Variants in ADAMTS5 observed in about 807,000 individuals in gnomAD.
The protein encoded by ADAMTS5 is ADAM metallopeptidase with thrombospondin type 1 motif 5, also known as A disintegrin and metalloproteinase with thrombospondin motifs 5.
ADAMTS5 carries 54 observed loss-of-function variants against 81.4 expected under a neutral mutation model. That is an observed-to-expected ratio of 0.66 (90% CI 0.53 to 0.83). ADAMTS5 has a LOEUF of 0.83. ADAMTS5 is among the 40% of genes least tolerant of loss of function. ADAMTS5 has a pLI of 0.00. For missense variants in ADAMTS5, 1,194 were observed against 1,229.9 expected, an observed-to-expected ratio of 0.97 and a Z score of 0.44; for synonymous variants, 532 against 508.8, an observed-to-expected ratio of 1.05 and a Z score of -0.61.
At chr21:26,930,754 T>G (rs1986892394) in intron 6 of ADAMTS5, among the ~76,000 whole-genome samples, 1 of 152,180 alleles carries the variant, frequency 6.6e-6, no homozygotes, top group South Asian at 2.1e-4. Flanking sequence ...CACTCATATA[T>G]ATAAATAAGC....
At chr21:26,929,814 C>T in intron 7 of ADAMTS5, 72 bp downstream of exon 7, 3 of 1,470,538 alleles carry the variant, frequency 2.0e-6, no homozygotes, top group South Asian at 2.7e-5. Context: ...AATATGAATC[C>T]TCCTTTATCA....
chr21:26,951,934 G>A lies in ADAMTS5; in HGVS notation c.1237+2805C>T, dbSNP rs145283349. On this transcript the variant is annotated intron_variant, in intron 2 of 7. Coordinates refer to ENST00000284987, the MANE Select transcript of ADAMTS5 (RefSeq NM_007038.5). ...TTTTGTCAGGCTATCTTTCCTAAAC[G>A]TTGAAGGCTTATTTTTTATAACACA... Among the ~76,000 whole-genome samples the A allele has an allele frequency of 2.1e-3, 319 of 152,054 alleles. 2 individuals are homozygous for A. In the East Asian group the frequency reaches 0.024, roughly 11 times the overall value.
chr21:26,943,458 G>T lies in ADAMTS5; in HGVS notation c.1327C>A (p.Leu443Ile), dbSNP rs1429501573. The T allele has an allele frequency of 6.2e-7, 1 of 1,613,618 alleles. No homozygotes were observed. The highest frequency in any genetic ancestry group is 8.5e-7 in the Non-Finnish European group (1 of 1,179,766). The change falls in exon 3 of 8, where the codon CTT (leucine) becomes ATT (isoleucine). Residue 443 changes from leucine to isoleucine, a missense_variant. Transcript: ENST00000284987. ...TEDKRLMSSI[L>I]TSIDASKPWS... ...GGCTTAGATGCATCAATGCTGGTAA[G>T]GATGGAAGACATTAAGCGCTTATCT...
At position 26,928,968 on chromosome 21, in the gene ADAMTS5, T is replaced by C. The variant is rs539891684; in HGVS notation, c.2225+918A>G. Among the ~76,000 whole-genome samples, 14 of 152,326 alleles carry C rather than the reference T, an allele frequency of 9.2e-5. No homozygotes were observed. The East Asian group carries it at 2.7e-3, about 29-fold the overall frequency. On this transcript the variant is annotated intron_variant, in intron 7 of 7. Coordinates refer to ENST00000284987, the MANE Select transcript of ADAMTS5 (RefSeq NM_007038.5). ...TGCAGGGTTTTTGACATAGATGGTC[T>C]AACACAATTAGGTGAATAATTATTT... is the stretch of plus-strand genomic sequence containing the variant.
At chr21:26,946,437 T>C (rs1351187816) in intron 2 of ADAMTS5, among the ~76,000 whole-genome samples, 1 of 152,168 alleles carries the variant, frequency 6.6e-6, no homozygotes, top group Non-Finnish European at 1.5e-5. Flanking sequence ...ATCCGGGGAA[T>C]TTAAAATACA....
intron 2 of ADAMTS5, among the ~76,000 whole-genome samples, chr21:26,949,240 C>G (rs1336337109): frequency 4.0e-5 from 6 of 151,442 alleles, no homozygotes; most frequent in Non-Finnish European, 8.8e-5. Context: ...CTGTATCACC[C>G]AGGCTGGTGT....
rs764343373 is a variant in ADAMTS5 at position 26,966,121 on chromosome 21, C to G, written c.271G>C (p.Val91Leu). The change falls in exon 1 of 8, where the codon GTC becomes CTC. Residue 91 changes from valine to leucine, a missense_variant. Around this residue, in one of 2 missense-constraint regions of ADAMTS5, gnomAD observed 498 missense variants for 412.3 expected, o/e 1.21. Coordinates refer to ENST00000284987, the MANE Select transcript of ADAMTS5 (RefSeq NM_007038.5). Reference sequence around the variant, plus strand: ...AGGAACCTCCGGCCGCCCGCGTAGACGAGGTAGCCCACCTTGCCGCCGCCG... The same window carrying G: ...AGGAACCTCCGGCCGCCCGCGTAGAGGAGGTAGCCCACCTTGCCGCCGCCG... ...YSGGGKVGYLVYAGGRRFLLD... is the reference protein window; with the variant it reads ...YSGGGKVGYLLYAGGRRFLLD... 3 of 1,612,642 alleles carry G rather than the reference C, an allele frequency of 1.9e-6. No individual in the cohort carries two copies. The highest frequency in any genetic ancestry group is 2.5e-6 in the Non-Finnish European group (3 of 1,179,732).
chr21:26,960,362 T>G (rs1010486471), intron 1 of ADAMTS5, among the ~76,000 whole-genome samples: 3 of 152,190 alleles, frequency 2.0e-5, no homozygotes, highest in Non-Finnish European at 4.4e-5. Context: ...TAATTTACAA[T>G]TAAAACTTGT....
rs368253824 is a variant in ADAMTS5, at chr21:26,954,999, A to G, written c.1105-128T>C. On this transcript the variant is annotated intron_variant, in intron 1 of 7. Coordinates refer to ENST00000284987, the MANE Select transcript of ADAMTS5 (RefSeq NM_007038.5). Reference sequence around the variant, plus strand: ...ATGGTATCACCTGTTCCTCTCTGGAAACGTTCCAAAGGCAAACTCAAGGCA... The same window carrying G: ...ATGGTATCACCTGTTCCTCTCTGGAGACGTTCCAAAGGCAAACTCAAGGCA... 3.3e-5 allele frequency: 40 copies of G among 1,208,048 alleles called. No individual in the cohort carries two copies. The South Asian group carries it at 4.1e-4, about 12-fold the overall frequency. 74.8% of individuals were successfully genotyped at this position (1,208,048 alleles called of 1,614,324 possible). A position where few individuals can be genotyped will look rare whatever the true frequency, so the allele number is the denominator to read the frequency against.
chr21:26,945,559 T>C (rs1056486983), intron 2 of ADAMTS5, among the ~76,000 whole-genome samples: 1 of 152,172 alleles, frequency 6.6e-6, no homozygotes, highest in African/African-American at 2.4e-5. Flanking sequence ...GATTTTAGAA[T>C]TCTGATTTAA....
chr21:26,949,112 C>T (rs1375521223), intron 2 of ADAMTS5, among the ~76,000 whole-genome samples: 2 of 150,394 alleles, frequency 1.3e-5, no homozygotes, highest in Non-Finnish European at 2.9e-5. Context: ...TATACTTTTA[C>T]TTATGAGTAT....
rs2123215070 is a variant in ADAMTS5, at chr21:26,966,030, C to T, written c.362G>A (p.Ser121Asn). ...GTGGCTCCGGTGGCGCCAGGGCGCA[C>T]TCGTCCCGCCTCCTGCGGGCACGAA... ...AGFVPAGGGT[S>N]APWRHRSHCF... The change falls in exon 1 of 8, where the codon AGT (serine) becomes AAT (asparagine). Residue 121 changes from serine (S) to asparagine (N), a missense_variant. Transcript: ENST00000284987. 1 of 1,613,076 alleles carries T rather than the reference C, an allele frequency of 6.2e-7. No homozygotes were observed.
intron 2 of ADAMTS5, 26 bp from the exon 3 acceptor site, chr21:26,943,573 A>T (rs375354974): frequency 9.0e-5 from 144 of 1,594,436 alleles, no homozygotes; most frequent in Non-Finnish European, 1.1e-4. Context: ...GAGGAAGTAC[A>T]AATAATCCGT....
At chr21:26,933,152 A>G (rs1986947382) in intron 4 of ADAMTS5, 108 bp from the exon 5 acceptor site, 1 of 1,152,618 alleles carries the variant, frequency 8.7e-7, no homozygotes, top group African/African-American at 1.6e-5. Flanking sequence ...TTTGTCACAG[A>G]TACAGTTATA....
rs1986771358 is a variant in ADAMTS5 at position 26,924,563 on chromosome 21, T to C, written c.2283A>G (p.Arg761=). The C allele has an allele frequency of 6.2e-7, 1 of 1,614,128 alleles. No homozygotes were observed. Among genetic ancestry groups the C allele is most frequent in the Non-Finnish European group, 8.5e-7 (1 of 1,180,016 alleles). The change falls in exon 8 of 8, where the codon CGA becomes CGG. Residue 761 remains arginine (R), a synonymous_variant. Coordinates refer to ENST00000284987, the MANE Select transcript of ADAMTS5 (RefSeq NM_007038.5). ...IPEGATHIKV[R]QFKAKDQTRF... ...TAGTCTGGTCTTTGGCTTTGAACTG[T>C]CGAACTTTTATGTGGGTTGCCCCTT...
chr21:26,945,889 T>C (rs1298730703), intron 2 of ADAMTS5, among the ~76,000 whole-genome samples: 1 of 152,300 alleles, frequency 6.6e-6, no homozygotes, highest in East Asian at 1.9e-4. Flanking sequence ...AGCAAGGGGA[T>C]GTGACTTTTG....
At chr21:26,942,839 G>A (rs983702526) in intron 3 of ADAMTS5, among the ~76,000 whole-genome samples, 3 of 152,084 alleles carry the variant, frequency 2.0e-5, no homozygotes, top group African/African-American at 7.2e-5. Flanking sequence ...TTTCTGTTAT[G>A]CAGTTTTTAC....
chr21:26,946,173 G>A (rs765127775), intron 2 of ADAMTS5, among the ~76,000 whole-genome samples: 9 of 152,156 alleles, frequency 5.9e-5, no homozygotes, highest in Non-Finnish European at 1.3e-4. Flanking sequence ...GGATATGAAA[G>A]GGAAGATCAA....
intron 2 of ADAMTS5, among the ~76,000 whole-genome samples, chr21:26,945,053 A>G (rs573982661): frequency 9.2e-5 from 14 of 152,268 alleles, no homozygotes; most frequent in Non-Finnish European, 1.3e-4. Flanking sequence ...TAGTCTATAT[A>G]TAAAGTATGT....
Sources: gnomAD v4.1 joint callset for allele counts (sites outside exome capture counted in the v4.1 genomes callset) on GRCh38, gnomAD v4.1.1 for gene constraint, gnomAD v4.1.1 regional missense constraint, MANE v1.5 for transcripts, NCBI Gene and HGNC (gene_info 2026-07-23, HGNC 2026-07-21) for gene names.